ARPP21: variants seen among roughly 807,000 people sequenced by gnomAD.
ARPP21 encodes cAMP-regulated phosphoprotein 21.
In ARPP21, 69 loss-of-function variants were observed where a neutral mutation model predicts 113.2. The observed-to-expected ratio is 0.61, with a 90% CI of 0.50 to 0.74. ARPP21 has a LOEUF of 0.74. Among genes scored for constraint, ARPP21 ranks in the 30% least tolerant of loss-of-function variants. ARPP21 has a pLI of 0.00. For missense variants in ARPP21, 1,070 were observed against 1,037.4 expected, an observed-to-expected ratio of 1.03 and a Z score of -0.43; for synonymous variants, 368 against 375.5, an observed-to-expected ratio of 0.98 and a Z score of 0.23.
At chr3:35,762,126 TCACA>T (rs371775285) in intron 19 of ARPP21, among the ~76,000 whole-genome samples, 235 of 127,022 alleles carry the variant, frequency 1.9e-3, no homozygotes, top group Middle Eastern at 4.0e-3. Flanking sequence ...TCTCTCTCTC[TCACA>T]CACACACACA....
chr3:35,671,265 C>T (rs1210161404), intron 1 of ARPP21, among the ~76,000 whole-genome samples: 1 of 152,088 alleles, frequency 6.6e-6, no homozygotes, highest in Non-Finnish European at 1.5e-5. Flanking sequence ...TTGCGTTTTC[C>T]ATTTAAACAC....
intron 1 of ARPP21, among the ~76,000 whole-genome samples, chr3:35,644,518 G>A (rs1350527886): frequency 2.0e-5 from 3 of 151,828 alleles, no homozygotes; most frequent in Non-Finnish European, 4.4e-5. Flanking sequence ...CAAAATCTGT[G>A]GTCTGAAGAT....
intron 9 of ARPP21, among the ~76,000 whole-genome samples, chr3:35,698,038 G>T (rs1282947507): frequency 6.6e-6 from 1 of 151,478 alleles, no homozygotes; most frequent in Non-Finnish European, 1.5e-5. Context: ...CTTTTTACAG[G>T]AATGGCAGTG....
intron 19 of ARPP21, among the ~76,000 whole-genome samples, chr3:35,765,403 G>A (rs1407264534): frequency 6.6e-6 from 1 of 152,124 alleles, no homozygotes; most frequent in South Asian, 2.1e-4. Context: ...AGCGAGTGGG[G>A]TAGAAGGGAA....
chr3:35,667,891 G>GAAGAA (rs1262199513), intron 1 of ARPP21, among the ~76,000 whole-genome samples: 1,037 of 70,846 alleles, frequency 0.015, 12 homozygotes, highest in Non-Finnish European at 0.02. Context: ...AAGAAGAAGA[G>GAAGAA]GAAGAGGAAG....
At chr3:35,757,154 C>T (rs1178250374) in intron 19 of ARPP21, among the ~76,000 whole-genome samples, 1 of 149,810 alleles carries the variant, frequency 6.7e-6, no homozygotes, top group African/African-American at 2.5e-5. Context: ...CTTGAACTGC[C>T]GAGCTCAAAT....
intron 9 of ARPP21, among the ~76,000 whole-genome samples, chr3:35,699,323 G>C (rs904715546): frequency 1.3e-5 from 2 of 151,536 alleles, no homozygotes; most frequent in Non-Finnish European, 3.0e-5. Context: ...CAGTACCTGA[G>C]GGTTTCCCTT....
At chr3:35,682,630 GAA>G in intron 3 of ARPP21, 1 of 459,772 alleles carries the variant, frequency 2.2e-6, no homozygotes, top group South Asian at 4.5e-5. Context: ...GTTATAAACA[GAA>G]AAGAGCTAAA....
At chr3:35,738,468 C>T (rs1443804620) in intron 17 of ARPP21, 150 bp downstream of exon 17, 2 of 628,882 alleles carry the variant, frequency 3.2e-6, no homozygotes, top group African/African-American at 1.8e-5. Context: ...CTGAACATTA[C>T]AGCCCATCTC....
At chr3:35,691,863 G>A (rs967106084) in intron 9 of ARPP21, among the ~76,000 whole-genome samples, 6 of 151,578 alleles carry the variant, frequency 4.0e-5, no homozygotes, top group South Asian at 4.2e-4. Flanking sequence ...TTGGTAAACC[G>A]TAAATTGCAT....
chr3:35,714,908 A>C (rs1455325384), intron 11 of ARPP21: 2 of 152,096 alleles, frequency 1.3e-5, no homozygotes, highest in African/African-American at 4.8e-5. Context: ...AAGATCAATA[A>C]TTGATGGCAT....
chr3:35,676,776 A>C (rs1044225555), intron 1 of ARPP21, among the ~76,000 whole-genome samples: 5 of 151,886 alleles, frequency 3.3e-5, no homozygotes, highest in Non-Finnish European at 7.4e-5. Context: ...AAATGATTAC[A>C]TCCCAATGAC....
At chr3:35,780,230 G>A (rs188527584) in intron 19 of ARPP21, among the ~76,000 whole-genome samples, 2 of 152,280 alleles carry the variant, frequency 1.3e-5, no homozygotes, top group Non-Finnish European at 2.9e-5. Flanking sequence ...GAATGTTCTT[G>A]AGGCACTGCA....
intron 12 of ARPP21, chr3:35,715,868 C>A (rs1057182250): frequency 6.4e-6 from 1 of 157,216 alleles, no homozygotes; most frequent in African/African-American, 2.4e-5. Context: ...TTATTGGCCA[C>A]TTCCTGTGCC....
chr3:35,767,124 T>C (rs1355856984), intron 19 of ARPP21, among the ~76,000 whole-genome samples: 4 of 152,120 alleles, frequency 2.6e-5, no homozygotes, highest in Non-Finnish European at 5.9e-5. Flanking sequence ...ACCTGATGTT[T>C]TAACATATTG....
rs377500618 is a variant in ARPP21 at position 35,737,263 on chromosome 3, G to A, written c.1545G>A (p.Gly515=). Residue 515 remains glycine (G), a synonymous_variant, in exon 16 of 21, where the codon GGG becomes GGA. Transcript: ENST00000684406. ...SQQPLRSAMV[G]QSQQQPPQQQ... ...AGCCCCTGCGAAGCGCCATGGTGGG[G>A]CAGTCCCAACAGCAGCCACCACAGC... 2.5e-6 allele frequency: 4 copies of A among 1,612,242 alleles called. No homozygotes were observed. The highest frequency in any genetic ancestry group is 1.6e-4 in the Middle Eastern group (1 of 6,080).
At chr3:35,676,720 T>C (rs759608386) in intron 1 of ARPP21, among the ~76,000 whole-genome samples, 4 of 151,960 alleles carry the variant, frequency 2.6e-5, no homozygotes, top group Non-Finnish European at 5.9e-5. Context: ...TTGCTAAAGA[T>C]ATTAGTATGT....
Position 35,749,922 on chromosome 3 carries a change from A to G in ARPP21, c.2137+5957A>G, listed in dbSNP as rs188249922. ...TGTGATATCCTGTTTCATTCCTGGT[A>G]TAGATGATTTTTAACTTCTCTCTTT... On this transcript the variant is annotated intron_variant, in intron 19 of 20. Transcript: ENST00000684406. Among the ~76,000 whole-genome samples the G allele has an allele frequency of 2.4e-4, 37 of 152,042 alleles. No homozygotes were observed. In the East Asian group the frequency reaches 7.1e-3, roughly 29 times the overall value.
chr3:35,667,932 GAGA>G lies in ARPP21; in HGVS notation c.-212-11852_-212-11850del, dbSNP rs1162740348. On this transcript the variant is annotated intron_variant, in intron 1 of 20. Coordinates refer to ENST00000684406, the MANE Select transcript of ARPP21 (RefSeq NM_001385562.1). Reference sequence around the variant, plus strand: ...GAGGAAGGAGGAGGAGGAGGAGGAGGAGAAGGAGAAGAAGAAAAGAAGAAGAAG... The same window carrying G: ...GAGGAAGGAGGAGGAGGAGGAGGAGGAGGAGAAGAAGAAAAGAAGAAGAAG... Among the ~76,000 whole-genome samples, 6 of 99,478 alleles carry G rather than the reference GAGA, an allele frequency of 6.0e-5. 1 individual carries two copies. Among genetic ancestry groups the G allele is most frequent in the East Asian group, 2.8e-4 (1 of 3,556 alleles). The allele number at this position is 99,478 out of a possible 152,430, so 65.3% of individuals were successfully genotyped here.
Sources: gnomAD v4.1 joint callset for allele counts (sites outside exome capture counted in the v4.1 genomes callset) on GRCh38, gnomAD v4.1.1 for gene constraint, MANE v1.5 for transcripts, NCBI Gene and HGNC (gene_info 2026-07-23, HGNC 2026-07-21) for gene names.